Variants in TENM4 observed in about 807,000 individuals in gnomAD.
TENM4 encodes teneurin transmembrane protein 4, also known as teneurin-4.
A neutral mutation model predicts 243.3 loss-of-function variants in TENM4; 82 were observed. The observed-to-expected ratio is 0.34, with a 90% CI of 0.28 to 0.40. The LOEUF (loss-of-function observed/expected upper bound fraction) is 0.40, where lower values mean the gene tolerates loss of function less well. TENM4 is among the 10% of genes least tolerant of loss of function. The probability of loss-of-function intolerance (pLI) is 1.00; values close to 1 mark genes in which losing one functional copy is unlikely to be tolerated. For synonymous variants in TENM4, 1,412 were observed against 1,456.3 expected, an observed-to-expected ratio of 0.97 and a Z score of 0.69; for missense variants, 3,138 against 3,673.3, an observed-to-expected ratio of 0.85 and a Z score of 3.77.
intron 1 of TENM4, among the ~76,000 whole-genome samples, chr11:79,427,251 T>G (rs1262598211): frequency 1.3e-5 from 2 of 152,222 alleles, no homozygotes; most frequent in Non-Finnish European, 2.9e-5. Flanking sequence ...AAAGCTGCAT[T>G]ATCTTTGACC....
chr11:79,301,074 G>C (rs1437274728), intron 1 of TENM4, among the ~76,000 whole-genome samples: 2 of 152,102 alleles, frequency 1.3e-5, no homozygotes, highest in African/African-American at 4.8e-5. Flanking sequence ...CCCTCTGGGG[G>C]ACTTCTGCAG....
intron 3 of TENM4, among the ~76,000 whole-genome samples, chr11:79,164,819 G>A (rs1019966170): frequency 6.6e-6 from 1 of 151,858 alleles, no homozygotes; most frequent in African/African-American, 2.4e-5. Flanking sequence ...CACCAGGTAA[G>A]AAGTGCCTTT....
At chr11:79,223,206 T>C (rs1864198049) in intron 2 of TENM4, among the ~76,000 whole-genome samples, 1 of 152,044 alleles carries the variant, frequency 6.6e-6, no homozygotes, top group South Asian at 2.1e-4. Context: ...TTAGAGGATA[T>C]GCAAGAACTG....
At chr11:79,319,995 A>C (rs1048783417) in intron 1 of TENM4, among the ~76,000 whole-genome samples, 1 of 152,130 alleles carries the variant, frequency 6.6e-6, no homozygotes, top group African/African-American at 2.4e-5. Context: ...CCCTCCCTCC[A>C]TGTGTTTCTC....
intron 1 of TENM4, among the ~76,000 whole-genome samples, chr11:79,350,121 G>T (rs915556675): frequency 2.6e-5 from 4 of 152,224 alleles, no homozygotes; most frequent in Non-Finnish European, 5.9e-5. Context: ...TATCAGACAA[G>T]TTCACACATA....
chr11:79,289,358 G>A (rs1007372624), intron 2 of TENM4, among the ~76,000 whole-genome samples: 4 of 152,224 alleles, frequency 2.6e-5, no homozygotes, highest in Admixed American at 2.6e-4. Context: ...CTTTGGGACT[G>A]AGACACTCAT....
chr11:78,965,490 G>C (rs1418297389), intron 6 of TENM4, among the ~76,000 whole-genome samples: 1 of 152,230 alleles, frequency 6.6e-6, no homozygotes, highest in Non-Finnish European at 1.5e-5. Context: ...ATGCTGAGTT[G>C]TTAGAATTTC....
At chr11:79,034,581 T>TA (rs72065276) in intron 6 of TENM4, among the ~76,000 whole-genome samples, 3 of 149,596 alleles carry the variant, frequency 2.0e-5, no homozygotes, top group Non-Finnish European at 2.9e-5. Flanking sequence ...GAAGTTTAAT[T>TA]AAAAAAAATT....
chr11:79,383,418 A>C (rs1858047385), intron 1 of TENM4, among the ~76,000 whole-genome samples: 2 of 152,130 alleles, frequency 1.3e-5, no homozygotes, highest in South Asian at 4.2e-4. Context: ...ACTTCCACAA[A>C]ACACTTCCTT....
intron 29 of TENM4, among the ~76,000 whole-genome samples, chr11:78,687,786 C>T (rs1194003923): frequency 2.6e-5 from 4 of 152,106 alleles, no homozygotes; most frequent in Non-Finnish European, 5.9e-5. Flanking sequence ...GGCAGAATAG[C>T]GAGGTCACCT....
chr11:79,402,697 T>C (rs1233611409), intron 1 of TENM4, among the ~76,000 whole-genome samples: 1 of 152,116 alleles, frequency 6.6e-6, no homozygotes, highest in African/African-American at 2.4e-5. Flanking sequence ...CCATTTCACC[T>C]ACTTCCCTCT....
At chr11:79,356,055 C>T (rs531829368) in intron 1 of TENM4, among the ~76,000 whole-genome samples, 3 of 152,170 alleles carry the variant, frequency 2.0e-5, no homozygotes, top group Non-Finnish European at 4.4e-5. Flanking sequence ...GCACTGTGAG[C>T]CACCCAGTGG....
At chr11:78,875,529 A>G (rs931134541) in intron 9 of TENM4, among the ~76,000 whole-genome samples, 2 of 152,148 alleles carry the variant, frequency 1.3e-5, no homozygotes, top group Non-Finnish European at 2.9e-5. Flanking sequence ...GCAAGGAGCT[A>G]CTTGCATCCT....
intron 2 of TENM4, among the ~76,000 whole-genome samples, chr11:79,273,171 A>G (rs1367015514): frequency 6.6e-6 from 1 of 152,218 alleles, no homozygotes; most frequent in Non-Finnish European, 1.5e-5. Context: ...AAATGGGGCT[A>G]TCAATCTGCC....
chr11:78,722,700 G>C lies in TENM4; in HGVS notation c.3768C>G (p.Pro1256=). The change falls in exon 24 of 34, where the codon CCC becomes CCG. Residue 1256 remains proline, a synonymous_variant. Coordinates refer to ENST00000278550, the MANE Select transcript of TENM4 (RefSeq NM_001098816.3). ...GDFNYIRRIF[P]SGNVTNILEL... Reference sequence around the variant, plus strand: ...CTAGGATGTTGGTGACATTTCCAGAGGGGAAGATCCTTCTAATGTAGTTGA... The same window carrying C: ...CTAGGATGTTGGTGACATTTCCAGACGGGAAGATCCTTCTAATGTAGTTGA... 2.5e-6 allele frequency: 4 copies of C among 1,613,914 alleles called. No homozygotes were observed. Among genetic ancestry groups the C allele is most frequent in the Middle Eastern group, 1.6e-4 (1 of 6,062 alleles).
intron 4 of TENM4, among the ~76,000 whole-genome samples, chr11:79,106,567 C>T (rs760359838): frequency 1.3e-5 from 2 of 152,234 alleles, no homozygotes; most frequent in Admixed American, 1.3e-4. Flanking sequence ...GCTTGACAGA[C>T]GTCGGTCCTC....
At position 78,669,447 on chromosome 11, in the gene TENM4, C is replaced by T. The variant is rs375613256; in HGVS notation, c.6898G>A (p.Val2300Met). The change falls in exon 32 of 34, where the codon GTG becomes ATG. Residue 2300 changes from valine to methionine, a missense_variant. Physicochemically the swap from Val to Met is conservative, Grantham distance 21. This residue lies in a region of TENM4 where 2,467 missense variants were observed against 3,059.1 expected (regional missense o/e 0.81). Coordinates refer to ENST00000278550, the MANE Select transcript of TENM4 (RefSeq NM_001098816.3). This position sits in a 1 kb window ranked among gnomAD's most constrained non-coding sequence, Gnocchi z 6.4. ...RYRYDGLGRR[V>M]SSKSSHSHHL... Reference sequence around the variant, plus strand: ...TGGCTGTGGCTGCTCTTGCTGGACACGCGCCGCCCCAGGCCATCGTAGCGG... The same window carrying T: ...TGGCTGTGGCTGCTCTTGCTGGACATGCGCCGCCCCAGGCCATCGTAGCGG... 42 of 1,612,410 alleles carry T rather than the reference C, an allele frequency of 2.6e-5. No homozygotes were observed. The highest frequency in any genetic ancestry group is 4.4e-5 in the South Asian group (4 of 90,820).
intron 12 of TENM4, among the ~76,000 whole-genome samples, chr11:78,832,298 G>A (rs1858003103): frequency 1.3e-5 from 2 of 152,098 alleles, no homozygotes; most frequent in Non-Finnish European, 2.9e-5. Flanking sequence ...TTCACCTTGT[G>A]CCATATAGTA....
intron 1 of TENM4, among the ~76,000 whole-genome samples, chr11:79,421,716 A>AC (rs1858935453): frequency 6.6e-6 from 1 of 152,296 alleles, no homozygotes; most frequent in Middle Eastern, 3.4e-3. Flanking sequence ...AAAAAAAAAA[A>AC]AAAACAGTTA....
Sources: gnomAD v4.1 joint callset for allele counts (sites outside exome capture counted in the v4.1 genomes callset) on GRCh38, gnomAD v4.1.1 for gene constraint, gnomAD v4.1.1 regional missense constraint, Gnocchi (gnomAD v3.1) non-coding constraint, MANE v1.5 for transcripts, NCBI Gene and HGNC (gene_info 2026-07-23, HGNC 2026-07-21) for gene names.